SPATS2L: variants seen among roughly 807,000 people sequenced by gnomAD.
SPATS2L encodes SPATS2-like protein.
A neutral mutation model predicts 59.6 loss-of-function variants in SPATS2L; 30 were observed. That is an observed-to-expected ratio of 0.50 (90% confidence interval 0.38 to 0.68). The LOEUF (loss-of-function observed/expected upper bound fraction) is 0.68, where lower values mean the gene tolerates loss of function less well. Among genes scored for constraint, SPATS2L ranks in the 30% least tolerant of loss-of-function variants. The probability of loss-of-function intolerance (pLI) is 0.00; values close to 1 mark genes in which losing one functional copy is unlikely to be tolerated. For synonymous variants in SPATS2L, 252 were observed against 263.5 expected, an observed-to-expected ratio of 0.96 and a Z score of 0.42; for missense variants, 615 against 700.0, an observed-to-expected ratio of 0.88 and a Z score of 1.37.
intron 2 of SPATS2L, among the ~76,000 whole-genome samples, chr2:200,387,485 C>G (rs966110735): frequency 2.0e-5 from 3 of 152,184 alleles, no homozygotes; most frequent in African/African-American, 7.2e-5. Context: ...TAATTTGTCT[C>G]TCTGGATTCC....
intron 3 of SPATS2L, among the ~76,000 whole-genome samples, chr2:200,398,384 G>A (rs1415997383): frequency 6.6e-6 from 1 of 152,128 alleles, no homozygotes; most frequent in African/African-American, 2.4e-5. Flanking sequence ...AAAAGTTTGG[G>A]AGCCATCATT....
At chr2:200,369,141 G>T in intron 2 of SPATS2L, among the ~76,000 whole-genome samples, 1 of 149,614 alleles carries the variant, frequency 6.7e-6, no homozygotes, top group African/African-American at 2.5e-5. Context: ...ACTCATAAAA[G>T]AACATTCATT....
intron 3 of SPATS2L, among the ~76,000 whole-genome samples, chr2:200,397,062 A>G (rs1216552179): frequency 6.6e-6 from 1 of 152,176 alleles, no homozygotes; most frequent in Middle Eastern, 3.2e-3. Context: ...ATAAGAAGAA[A>G]TTTACTATTG....
At chr2:200,421,661 C>T (rs1345396730) in intron 6 of SPATS2L, among the ~76,000 whole-genome samples, 3 of 152,142 alleles carry the variant, frequency 2.0e-5, no homozygotes, top group Non-Finnish European at 4.4e-5. Flanking sequence ...TTCCTAAAAC[C>T]GAACAATGAC....
At chr2:200,405,186 C>T (rs1439667032) in intron 3 of SPATS2L, among the ~76,000 whole-genome samples, 1 of 152,134 alleles carries the variant, frequency 6.6e-6, no homozygotes, top group Non-Finnish European at 1.5e-5. Flanking sequence ...GAATTCAGGA[C>T]CCACCCCAAG....
rs541842777 is a variant in SPATS2L at position 200,480,095 on chromosome 2, C to T, written c.*2064C>T. 80 of 197,100 alleles carry T rather than the reference C, an allele frequency of 4.1e-4. 4 individuals carry two copies. The South Asian group carries it at 0.014, about 34-fold the overall frequency. The allele number at this position is 197,100 out of a possible 1,614,324, so 12.2% of individuals were successfully genotyped here. ...CTGAAAAATGTCAGTGTAAATGTGA[C>T]CGCTTTAAAGATGAGTCAAGTAATT... On this transcript the variant is annotated 3_prime_UTR_variant, in exon 13 of 13. Transcript: ENST00000409140.
chr2:200,383,349 A>G (rs1228907246), intron 2 of SPATS2L, among the ~76,000 whole-genome samples: 2 of 152,280 alleles, frequency 1.3e-5, no homozygotes, highest in Non-Finnish European at 2.9e-5. Flanking sequence ...ATCAAATGCT[A>G]TCATTTCAAC....
At chr2:200,404,477 T>C (rs1390300136) in intron 3 of SPATS2L, among the ~76,000 whole-genome samples, 1 of 152,210 alleles carries the variant, frequency 6.6e-6, no homozygotes, top group Admixed American at 6.5e-5. Flanking sequence ...GTGGCTTGAA[T>C]GAGTGAATGG....
intron 2 of SPATS2L, among the ~76,000 whole-genome samples, chr2:200,342,784 A>AGAGC (rs2080376406): frequency 6.6e-6 from 1 of 152,218 alleles, no homozygotes; most frequent in African/African-American, 2.4e-5. Context: ...GATAAGAACA[A>AGAGC]TATCCTTGCC....
intron 3 of SPATS2L, among the ~76,000 whole-genome samples, chr2:200,409,043 A>T (rs576506067): frequency 6.6e-6 from 1 of 152,342 alleles, no homozygotes; most frequent in South Asian, 2.1e-4. Flanking sequence ...TGTTTATGGC[A>T]TGAGAGTCCT....
chr2:200,436,988 C>T (rs905557721), intron 6 of SPATS2L, among the ~76,000 whole-genome samples: 2 of 152,020 alleles, frequency 1.3e-5, no homozygotes, highest in Non-Finnish European at 2.9e-5. Context: ...TATGTGGCAC[C>T]TCTCCCCTCA....
At chr2:200,424,277 A>G (rs2083433055) in intron 6 of SPATS2L, among the ~76,000 whole-genome samples, 1 of 152,084 alleles carries the variant, frequency 6.6e-6, no homozygotes, top group Non-Finnish European at 1.5e-5. Flanking sequence ...ACTTGAGGCC[A>G]GGAGTTTGAG....
chr2:200,393,869 G>C (rs750057790), intron 3 of SPATS2L, among the ~76,000 whole-genome samples: 4 of 152,178 alleles, frequency 2.6e-5, no homozygotes, highest in Non-Finnish European at 5.9e-5. Context: ...GCAGTATCTA[G>C]TCGAGCACTG....
chr2:200,365,390 G>A (rs1171025667), intron 2 of SPATS2L, among the ~76,000 whole-genome samples: 1 of 152,194 alleles, frequency 6.6e-6, no homozygotes, highest in East Asian at 1.9e-4. Context: ...GGCTGGGACA[G>A]CAATATGACC....
intron 1 of SPATS2L, among the ~76,000 whole-genome samples, chr2:200,324,650 G>C (rs1361242853): frequency 2.0e-5 from 3 of 152,188 alleles, no homozygotes; most frequent in Non-Finnish European, 4.4e-5. Context: ...CCAGAGTTGA[G>C]AGAAGGGAGA....
intron 2 of SPATS2L, among the ~76,000 whole-genome samples, chr2:200,375,091 T>G (rs2081553926): frequency 6.6e-6 from 1 of 152,202 alleles, no homozygotes; most frequent in South Asian, 2.1e-4. Flanking sequence ...GTGTCTGCAC[T>G]CCATCCTTTT....
chr2:200,328,182 C>G (rs2105788447), intron 1 of SPATS2L, among the ~76,000 whole-genome samples: 1 of 152,172 alleles, frequency 6.6e-6, no homozygotes, highest in East Asian at 1.9e-4. Context: ...TGGGACAGAC[C>G]AAGTGTGTAC....
chr2:200,448,690 G>A (rs922224730), intron 8 of SPATS2L, among the ~76,000 whole-genome samples: 1 of 152,060 alleles, frequency 6.6e-6, no homozygotes, highest in Non-Finnish European at 1.5e-5. Flanking sequence ...TTTTCTAAGT[G>A]TTCACCTGCT....
chr2:200,332,409 T>G (rs987279235), intron 2 of SPATS2L, among the ~76,000 whole-genome samples: 1 of 152,082 alleles, frequency 6.6e-6, no homozygotes, highest in African/African-American at 2.4e-5. Context: ...CACAACTGGC[T>G]ATTTTTTTTA....
Sources: gnomAD v4.1 joint callset for allele counts (sites outside exome capture counted in the v4.1 genomes callset) on GRCh38, gnomAD v4.1.1 for gene constraint, MANE v1.5 for transcripts, NCBI Gene and HGNC (gene_info 2026-07-23, HGNC 2026-07-21) for gene names.